MPDZ: variants seen among roughly 807,000 people sequenced by gnomAD.
The protein encoded by MPDZ is multiple PDZ domain crumbs cell polarity complex component, also known as multiple PDZ domain protein.
A neutral mutation model predicts 239.1 loss-of-function variants in MPDZ; 234 were observed. The ratio of observed to expected loss-of-function variants is 0.98; its 90% CI spans 0.88 to 1.09. MPDZ has a LOEUF of 1.09. Among genes scored for constraint, MPDZ ranks in the 50% least tolerant of loss-of-function variants. MPDZ has a pLI of 0.00. For missense variants in MPDZ, 3,175 were observed against 2,510.0 expected (o/e 1.26, Z -5.66); for synonymous variants, 1,048 against 881.3 (o/e 1.19, Z -3.35).
chr9:13,277,923 C>T (rs1044242526), intron 1 of MPDZ, among the ~76,000 whole-genome samples: 1 of 152,154 alleles, frequency 6.6e-6, no homozygotes, highest in African/African-American at 2.4e-5. Context: ...GGTGCTAAGG[C>T]ATACATTATA....
rs1588072233 is a variant in MPDZ, at chr9:13,243,652, C to G, written c.183+3983G>C. Among the ~76,000 whole-genome samples, 3 of 152,256 alleles carry G rather than the reference C, an allele frequency of 2.0e-5. No homozygotes were observed. The South Asian group carries it at 6.2e-4, about 32-fold the overall frequency. ...AAAAAGATCTAATTACTCTAATCAA[C>G]ATTTAAGAGTAATTTTCAACCCTGA... On this transcript the variant is annotated intron_variant, in intron 3 of 46. Transcript: ENST00000319217.
At chr9:13,237,709 C>T (rs1391403409) in intron 3 of MPDZ, among the ~76,000 whole-genome samples, 1 of 152,020 alleles carries the variant, frequency 6.6e-6, no homozygotes, top group African/African-American at 2.4e-5. Context: ...ATTTGCCGCC[C>T]ATAATAAAAT....
chr9:13,196,023 C>A, intron 13 of MPDZ, 98 bp downstream of exon 13: 1 of 767,060 alleles, frequency 1.3e-6, no homozygotes. Flanking sequence ...ACATTTGATT[C>A]TTCTCTGGAA....
At position 13,196,197 on chromosome 9, in the gene MPDZ, A is replaced by G. The variant is rs1039381255; in HGVS notation, c.1580T>C (p.Ile527Thr). The G allele has an allele frequency of 2.5e-6, 4 of 1,598,642 alleles. No homozygotes were observed. Among genetic ancestry groups the G allele is most frequent in the Non-Finnish European group, 2.6e-6 (3 of 1,171,406 alleles). The change falls in exon 13 of 47, where the codon ATA (isoleucine) becomes ACA (threonine). Residue 527 changes from isoleucine (I) to threonine (T), a missense_variant. Physicochemically the swap from Ile to Thr is moderately conservative, Grantham distance 89. Coordinates refer to ENST00000319217, the MANE Select transcript of MPDZ (RefSeq NM_001378778.1). The stretch of plus-strand genomic sequence containing the variant: ...AGCTTCTTGTTTTTGTGCATCTTCT[A>G]TTTCTTCTATCTCAGCTGACAGTAA... ...YPLLSAEIEE[I>T]EDAQKQEAAL...
rs1344400022 is a variant in MPDZ at position 13,193,252 on chromosome 9, A to G, written c.1718T>C (p.Val573Ala). The change falls in exon 14 of 47, where the codon GTG becomes GCG. Residue 573 changes from valine (V) to alanine (A), a missense_variant. Coordinates refer to ENST00000319217, the MANE Select transcript of MPDZ (RefSeq NM_001378778.1). Reference protein sequence around the residue: ...SGLGISLEATVGHHFIRSVLP... With the variant: ...SGLGISLEATAGHHFIRSVLP... Reference sequence around the variant, plus strand: ...AACAGATCGGATAAAATGATGTCCCACTGTCGCTTCCAGGCTTATCCCCAA... The same window carrying G: ...AACAGATCGGATAAAATGATGTCCCGCTGTCGCTTCCAGGCTTATCCCCAA... 1 of 1,612,542 alleles carries G rather than the reference A, an allele frequency of 6.2e-7. No individual in the cohort carries two copies. Among genetic ancestry groups the G allele is most frequent in the East Asian group, 2.2e-5 (1 of 44,802 alleles).
At chr9:13,206,645 G>C (rs1164470132) in intron 10 of MPDZ, among the ~76,000 whole-genome samples, 1 of 151,860 alleles carries the variant, frequency 6.6e-6, no homozygotes, top group African/African-American at 2.4e-5. Context: ...CCAGGTGCAA[G>C]TGATTCTTCT....
chr9:13,236,267 ATTTTTTTTT>A (rs1158772302), intron 3 of MPDZ, among the ~76,000 whole-genome samples: 237 of 19,914 alleles, frequency 0.012, 4 homozygotes, highest in Middle Eastern at 0.045. Flanking sequence ...ATATATATAT[ATTTTTTTTT>A]TTTTTTTTTT....
At chr9:13,269,226 T>C (rs1293960408) in intron 1 of MPDZ, among the ~76,000 whole-genome samples, 1 of 152,134 alleles carries the variant, frequency 6.6e-6, no homozygotes, top group Non-Finnish European at 1.5e-5. Context: ...CAGGACATCA[T>C]TTAGCCAAAA....
chr9:13,132,182 T>TA (rs1205829136), intron 32 of MPDZ, among the ~76,000 whole-genome samples: 2 of 152,066 alleles, frequency 1.3e-5, no homozygotes, highest in Admixed American at 1.3e-4. Context: ...GCTGAATAAA[T>TA]AAAAAAGGAG....
intron 42 of MPDZ, 119 bp downstream of exon 42, chr9:13,112,892 T>TA (rs1942730553): frequency 5.1e-6 from 5 of 973,582 alleles, no homozygotes; most frequent in Non-Finnish European, 7.8e-6. Flanking sequence ...ATGTAATATG[T>TA]AAGAATACAT....
chr9:13,147,720 G>A, intron 25 of MPDZ, 62 bp from the exon 26 acceptor site: 1 of 1,317,748 alleles, frequency 7.6e-7, no homozygotes, highest in South Asian at 1.3e-5. Context: ...AAAATGTGTG[G>A]ATATGGAGTT....
intron 25 of MPDZ, among the ~76,000 whole-genome samples, chr9:13,150,015 A>C (rs1240488530): frequency 1.3e-5 from 2 of 152,220 alleles, no homozygotes; most frequent in African/African-American, 4.8e-5. Context: ...ATCTGCAATG[A>C]AATGATAATA....
chr9:13,128,445 G>A lies in MPDZ; in HGVS notation c.4465-1673C>T, dbSNP rs573492502. Among the ~76,000 whole-genome samples the A allele has an allele frequency of 3.3e-5, 5 of 152,326 alleles. No individual in the cohort carries two copies. The East Asian group carries it at 7.7e-4, about 24-fold the overall frequency. Reference sequence around the variant, plus strand: ...CATCTTGGAAGCAATGTCCAGCCCAGTCAAATCTTGAGATGACTGTAGCTG... The same window carrying A: ...CATCTTGGAAGCAATGTCCAGCCCAATCAAATCTTGAGATGACTGTAGCTG... On this transcript the variant is annotated intron_variant, in intron 32 of 46. Coordinates refer to ENST00000319217, the MANE Select transcript of MPDZ (RefSeq NM_001378778.1).
Position 13,138,088 on chromosome 9 carries a change from G to A in MPDZ, c.4069C>T (p.His1357Tyr). Reference sequence around the variant, plus strand: ...GCAAGACTTAGGCCCAAACCACTATGACCTTTCTCCAGTTCAATCATATGC... The same window carrying A: ...GCAAGACTTAGGCCCAAACCACTATAACCTTTCTCCAGTTCAATCATATGC... The part of the protein sequence containing the change: ...ELHMIELEKG[H>Y]SGLGLSLAGN... Residue 1357 changes from histidine to tyrosine, a missense_variant, in exon 29 of 47, where the codon CAT becomes TAT. By Grantham distance (83) the His-to-Tyr change is moderately conservative. Coordinates refer to ENST00000319217, the MANE Select transcript of MPDZ (RefSeq NM_001378778.1). 1.9e-6 allele frequency: 3 copies of A among 1,613,478 alleles called. No homozygotes were observed. The highest frequency in any genetic ancestry group is 2.5e-6 in the Non-Finnish European group (3 of 1,179,678).
chr9:13,186,378 T>C lies in MPDZ; in HGVS notation c.2373A>G (p.Pro791=). Residue 791 remains proline (P), a synonymous_variant, in exon 18 of 47, where the codon CCA becomes CCG. Coordinates refer to ENST00000319217, the MANE Select transcript of MPDZ (RefSeq NM_001378778.1). ...CCTTAGCAGAAACATAACCTTCTTC[T>C]GGTGAAAGCTGCAGGGAAAAAATGG... The part of the protein sequence containing the change: ...IGVAKPLPLS[P]EEGYVSAKED... The C allele has an allele frequency of 6.4e-7, 1 of 1,565,146 alleles. No homozygotes were observed.
At chr9:13,194,803 G>A (rs1459787682) in intron 13 of MPDZ, among the ~76,000 whole-genome samples, 1 of 151,944 alleles carries the variant, frequency 6.6e-6, no homozygotes, top group East Asian at 1.9e-4. Flanking sequence ...CCACCCGAAG[G>A]ACTGCAGTCT....
intron 10 of MPDZ, among the ~76,000 whole-genome samples, chr9:13,207,838 A>C (rs1162459803): frequency 6.6e-6 from 1 of 152,232 alleles, no homozygotes; most frequent in African/African-American, 2.4e-5. Context: ...TCAAAAACTT[A>C]TTTGTAAAGC....
At position 13,125,224 on chromosome 9, in the gene MPDZ, G is replaced by A; in HGVS notation, c.4799C>T (p.Ser1600Phe). The change falls in exon 35 of 47, where the codon TCC becomes TTC. Residue 1600 changes from serine to phenylalanine, a missense_variant. By Grantham distance (155) the Ser-to-Phe change is radical (BLOSUM62 -2). Transcript: ENST00000319217. ...GAGTCCAGAGGCCTTACTTCGGATGGACTCCGGTTCTGGGGAGCCAGACTG... is the reference window on the plus strand; with the variant it reads ...GAGTCCAGAGGCCTTACTTCGGATGAACTCCGGTTCTGGGGAGCCAGACTG... ...VPQSGSPEPE[S>F]IRNTSRSSTP... The A allele has an allele frequency of 6.3e-7, 1 of 1,595,598 alleles. No individual in the cohort carries two copies. The highest frequency in any genetic ancestry group is 8.6e-7 in the Non-Finnish European group (1 of 1,168,466).
intron 3 of MPDZ, among the ~76,000 whole-genome samples, chr9:13,245,409 T>C (rs539126724): frequency 6.8e-6 from 1 of 146,696 alleles, no homozygotes; most frequent in East Asian, 1.9e-4. Context: ...CTTTCTACCT[T>C]TGAAAAAAAA....
Sources: allele counts gnomAD v4.1 joint callset (sites outside exome capture counted in the v4.1 genomes callset), GRCh38; gene constraint gnomAD v4.1.1; transcripts MANE v1.5; gene names NCBI Gene and HGNC (gene_info 2026-07-23, HGNC 2026-07-21).